The following GSN variants were observed in gnomAD, a reference collection of about 807,000 sequenced individuals.
The protein encoded by GSN is actin-depolymerizing factor.
Under a neutral mutation model 85.7 loss-of-function variants are expected in GSN, and 56 were observed. The ratio of observed to expected loss-of-function variants is 0.65; its 90% CI spans 0.53 to 0.82. GSN has a LOEUF of 0.82. GSN is among the 40% of genes least tolerant of loss of function. The pLI is 0.00. For synonymous variants in GSN, 373 were observed against 399.1 expected (o/e 0.93, Z 0.78); for missense variants, 857 against 979.8 (o/e 0.87, Z 1.67).
chr9:121,331,031 A>G (rs985273525), intron 16 of GSN, among the ~76,000 whole-genome samples: 2 of 152,196 alleles, frequency 1.3e-5, no homozygotes, highest in Non-Finnish European at 2.9e-5. Flanking sequence ...GAGGCAAACT[A>G]GAACTGCTCA....
intron 16 of GSN, among the ~76,000 whole-genome samples, chr9:121,330,055 T>C (rs1274417543): frequency 6.6e-6 from 1 of 152,160 alleles, no homozygotes; most frequent in African/African-American, 2.4e-5. Flanking sequence ...AGTTGGAAGA[T>C]CGGGACCAAA....
intron 4 of GSN, among the ~76,000 whole-genome samples, chr9:121,218,428 G>C (rs981931539): frequency 1.3e-5 from 2 of 152,060 alleles, no homozygotes; most frequent in African/African-American, 4.8e-5. Context: ...GGAGGTCAGG[G>C]GTTCAAGACC....
Position 121,278,091 on chromosome 9 carries a change from T to A in GSN, c.-102-3379T>A, listed in dbSNP as rs530731720. 4.6e-5 allele frequency among the ~76,000 whole-genome samples: 7 copies of A among 152,006 alleles called. No homozygotes were observed. In the East Asian group the frequency reaches 1.4e-3, roughly 29 times the overall value. Reference sequence around the variant, plus strand: ...CTAGTCAGCAAGAGGCCCAGCCTTATAGCTTTGAAATATAGTGAGGTCAAG... The same window carrying A: ...CTAGTCAGCAAGAGGCCCAGCCTTAAAGCTTTGAAATATAGTGAGGTCAAG... On this transcript the variant is annotated intron_variant, in intron 1 of 17. Coordinates refer to ENST00000432226, the MANE Select transcript of GSN (RefSeq NM_198252.3).
At chr9:121,217,519 C>T (rs1018391715) in intron 4 of GSN, among the ~76,000 whole-genome samples, 11 of 152,160 alleles carry the variant, frequency 7.2e-5, no homozygotes, top group Admixed American at 2.0e-4. Flanking sequence ...CTGAGCCACT[C>T]CCTCCTCCCA....
chr9:121,311,110 A>C (rs190633583), intron 5 of GSN: 3 of 510,146 alleles, frequency 5.9e-6, no homozygotes, highest in South Asian at 2.1e-5. Context: ...CCTTTTTCAC[A>C]TGCTTATAAA....
chr9:121,310,389 G>T, intron 4 of GSN: 1 of 443,318 alleles, frequency 2.3e-6, no homozygotes. Flanking sequence ...TGTTAGTGGA[G>T]TATGGGATTC....
At chr9:121,267,516 A>C (rs2055273466), upstream of GSN, among the ~76,000 whole-genome samples, 1 of 152,156 alleles carries the variant, frequency 6.6e-6, no homozygotes, top group South Asian at 2.1e-4. Flanking sequence ...GGAAACGGAG[A>C]CTTAGACATG....
chr9:121,233,291 C>G (rs1360471309), intron 5 of GSN, among the ~76,000 whole-genome samples: 1 of 152,020 alleles, frequency 6.6e-6, no homozygotes, highest in Non-Finnish European at 1.5e-5. Context: ...TGGTGAAACC[C>G]CGTCTCTACT....
At position 121,311,098 on chromosome 9, in the gene GSN, G is replaced by A. The variant is rs186210446; in HGVS notation, c.513+253G>A. 48 of 541,098 alleles carry A rather than the reference G, an allele frequency of 8.9e-5. No individual in the cohort carries two copies. In the Admixed American group the frequency reaches 1.1e-3, roughly 12 times the overall value. 33.5% of individuals were successfully genotyped at this position (541,098 alleles called of 1,614,324 possible). ...CCTTCTGTTCATATGTACGTCTTGTGTCCTTTTTCACATGCTTATAAATAT... is the reference window on the plus strand; with the variant it reads ...CCTTCTGTTCATATGTACGTCTTGTATCCTTTTTCACATGCTTATAAATAT... On this transcript the variant is annotated intron_variant, in intron 5 of 17. Transcript: ENST00000432226.
intron 2 of GSN, among the ~76,000 whole-genome samples, chr9:121,290,921 C>A (rs565093949): frequency 6.6e-6 from 1 of 152,238 alleles, no homozygotes; most frequent in South Asian, 2.1e-4. Context: ...AAGTGATCCT[C>A]CCTCCTCAGC....
At chr9:121,307,758 G>A (rs182937241) in intron 4 of GSN, among the ~76,000 whole-genome samples, 4 of 152,208 alleles carry the variant, frequency 2.6e-5, no homozygotes, top group Non-Finnish European at 2.9e-5. Context: ...GCACAGGTGA[G>A]CGCAGGTTGT....
chr9:121,206,742 T>G (rs918031012), upstream of GSN, among the ~76,000 whole-genome samples: 8 of 152,030 alleles, frequency 5.3e-5, no homozygotes, highest in African/African-American at 2.4e-5. Flanking sequence ...AGAATGCATC[T>G]TTGAACTTTG....
At chr9:121,313,501 A>G (rs1352471452) in intron 6 of GSN, 1 of 284,076 alleles carries the variant, frequency 3.5e-6, no homozygotes, top group Non-Finnish European at 7.0e-6. Flanking sequence ...TAGCCACCTA[A>G]TAGCTGTGTG....
At chr9:121,262,061 T>C (rs2055097827) in intron 6 of GSN, among the ~76,000 whole-genome samples, 1 of 152,242 alleles carries the variant, frequency 6.6e-6, no homozygotes, top group Non-Finnish European at 1.5e-5. Context: ...TCCACATTTC[T>C]TGAACAGCTC....
chr9:121,287,400 C>T (rs1217811863), intron 2 of GSN, among the ~76,000 whole-genome samples: 3 of 152,148 alleles, frequency 2.0e-5, no homozygotes, highest in African/African-American at 7.2e-5. Context: ...AGATGTGGGC[C>T]CAGTCCTGGC....
chr9:121,202,163 G>A, the GSN span, among the ~76,000 whole-genome samples: 1 of 152,236 alleles, frequency 6.6e-6, no homozygotes, highest in Admixed American at 6.5e-5. Flanking sequence ...AACCTGGTGG[G>A]GTGCGCCTGC....
rs563318020 is a variant in GSN, at chr9:121,324,858, C to A, written c.1416+214C>A. Among the ~76,000 whole-genome samples the A allele has an allele frequency of 7.2e-5, 11 of 152,350 alleles. No homozygotes were observed. In the East Asian group the frequency reaches 1.9e-3, roughly 27 times the overall value. On this transcript the variant is annotated intron_variant, in intron 12 of 17. Transcript: ENST00000432226. ...CACTGCATCTGTAGCCATGGACACA[C>A]AGACACACTGTCCCTGCCCTAGTGG...
Position 121,214,299 on chromosome 9 carries a change from CTCT to C in GSN, c.-528+3441_-528+3443del, listed in dbSNP as rs372640807. 1.2e-3 allele frequency among the ~76,000 whole-genome samples: 174 copies of C among 150,494 alleles called. 1 individual carries two copies. Among genetic ancestry groups the C allele is most frequent in the African/African-American group, 3.9e-3 (158 of 40,936 alleles). On this transcript the variant is annotated intron_variant, in intron 4 of 24. Transcript: ENST00000373823. ...TCTCTCCTCCTCCTTCTTCCTCTTC[CTCT>C]TCTTCTTCCTCTTCTTCCTTTTCTT... is the stretch of plus-strand genomic sequence containing the variant.
chr9:121,242,634 G>T (rs1489038943), intron 5 of GSN, among the ~76,000 whole-genome samples: 1 of 152,156 alleles, frequency 6.6e-6, no homozygotes, highest in African/African-American at 2.4e-5. Context: ...ACTGTTGGTT[G>T]CCAAACCAAA....
Sources: gnomAD v4.1 joint callset for allele counts (sites outside exome capture counted in the v4.1 genomes callset) on GRCh38, gnomAD v4.1.1 for gene constraint, MANE v1.5 for transcripts, NCBI Gene and HGNC (gene_info 2026-07-23, HGNC 2026-07-21) for gene names.